Variants in COP1 observed in about 807,000 individuals in gnomAD.
The protein encoded by COP1 is E3 ubiquitin-protein ligase COP1.
In COP1, 24 loss-of-function variants were observed where a neutral mutation model predicts 101.3. That is an observed-to-expected ratio of 0.24 (90% CI 0.17 to 0.33). The LOEUF (loss-of-function observed/expected upper bound fraction) is 0.33. COP1 is among the 10% of genes least tolerant of loss of function. The pLI, the probability that COP1 is intolerant of heterozygous loss-of-function variation, is 1.00. For missense variants in COP1, 663 were observed against 906.2 expected (o/e 0.73, Z 3.45); for synonymous variants, 347 against 341.9 (o/e 1.01, Z -0.17).
chr1:176,186,951 T>C lies in COP1; in HGVS notation c.408-2259A>G, dbSNP rs12045003. On this transcript the variant is annotated intron_variant, in intron 1 of 19. Transcript: ENST00000367669. ...CAGGTTTACCTCGCACACAGCTCCA[T>C]CATCCGTTAGTTTATTTAAAAAGAA... is the stretch of plus-strand genomic sequence containing the variant. 1.1e-3 allele frequency among the ~76,000 whole-genome samples: 175 copies of C among 152,290 alleles called. No individual in the cohort carries two copies. In the East Asian group the frequency reaches 0.025, roughly 22 times the overall value.
intron 11 of COP1, among the ~76,000 whole-genome samples, chr1:176,051,793 A>G (rs896069357): frequency 6.6e-6 from 1 of 152,152 alleles, no homozygotes; most frequent in African/African-American, 2.4e-5. Flanking sequence ...TCAGATTTTA[A>G]CAAACAAATA....
chr1:176,113,989 A>G (rs1414578423), intron 9 of COP1, among the ~76,000 whole-genome samples: 5 of 148,142 alleles, frequency 3.4e-5, no homozygotes, highest in East Asian at 3.9e-4. Context: ...TTGTTTTTTA[A>G]ACGTGGCTAG....
At chr1:176,132,471 G>A (rs900767587) in intron 8 of COP1, among the ~76,000 whole-genome samples, 7 of 151,260 alleles carry the variant, frequency 4.6e-5, no homozygotes, top group Non-Finnish European at 8.9e-5. Flanking sequence ...TGTGATCATA[G>A]AGTATACTTA....
At chr1:176,002,267 T>G (rs948196061) in intron 15 of COP1, among the ~76,000 whole-genome samples, 2 of 152,134 alleles carry the variant, frequency 1.3e-5, no homozygotes, top group Admixed American at 1.3e-4. Flanking sequence ...TTTTCTTTTA[T>G]TCTTTTTTCT....
At chr1:176,093,162 G>A (rs993451011) in intron 9 of COP1, among the ~76,000 whole-genome samples, 3 of 152,226 alleles carry the variant, frequency 2.0e-5, no homozygotes, top group Admixed American at 6.5e-5. Context: ...TCAACATATT[G>A]ATAAACATAA....
At chr1:176,182,669 A>G (rs1212844101) in intron 2 of COP1, among the ~76,000 whole-genome samples, 1 of 152,244 alleles carries the variant, frequency 6.6e-6, no homozygotes, top group Non-Finnish European at 1.5e-5. Context: ...ATGGTTTCCT[A>G]TGGAATGCTA....
At chr1:175,964,651 A>G (rs1001780337) in intron 18 of COP1, among the ~76,000 whole-genome samples, 4 of 152,206 alleles carry the variant, frequency 2.6e-5, no homozygotes, top group African/African-American at 9.6e-5. Flanking sequence ...CTAAGTTTAA[A>G]TTGTATGTCC....
chr1:175,965,466 C>T lies in COP1; in HGVS notation c.2134-18227G>A, dbSNP rs146302307. 2.7e-3 allele frequency among the ~76,000 whole-genome samples: 410 copies of T among 152,238 alleles called. 3 individuals are homozygous for T. The highest frequency in any genetic ancestry group is 9.4e-3 in the African/African-American group (390 of 41,542). ...TTGGGCCACTGTTGATTTCCTGACACGCAGAATCATTCTTTTATTTAAAGC... is the reference window on the plus strand; with the variant it reads ...TTGGGCCACTGTTGATTTCCTGACATGCAGAATCATTCTTTTATTTAAAGC... On this transcript the variant is annotated intron_variant, in intron 18 of 19. Transcript: ENST00000367669.
At chr1:176,167,350 G>T (rs11587785) in intron 3 of COP1, among the ~76,000 whole-genome samples, 4,972 of 152,280 alleles carry the variant, frequency 0.033, 117 homozygotes, top group Non-Finnish European at 0.047. Context: ...TTAATGATCA[G>T]TGTCTGTCTT....
At chr1:175,970,970 T>C (rs990414505) in intron 18 of COP1, among the ~76,000 whole-genome samples, 1 of 152,104 alleles carries the variant, frequency 6.6e-6, no homozygotes, top group Non-Finnish European at 1.5e-5. Context: ...GACATAAAGC[T>C]GTTAGAAGTA....
intron 1 of COP1, among the ~76,000 whole-genome samples, chr1:176,187,483 G>A (rs1380424338): frequency 6.6e-6 from 1 of 151,916 alleles, no homozygotes; most frequent in Non-Finnish European, 1.5e-5. Context: ...TCCTGGGCTG[G>A]AGCGATTCTC....
chr1:176,024,754 G>T (rs574978804), intron 15 of COP1, among the ~76,000 whole-genome samples: 1 of 152,074 alleles, frequency 6.6e-6, no homozygotes, highest in East Asian at 1.9e-4. Context: ...ATACAAGAGA[G>T]ATATATAAAA....
At chr1:176,091,953 AAG>A (rs747297398) in intron 9 of COP1, among the ~76,000 whole-genome samples, 4 of 152,150 alleles carry the variant, frequency 2.6e-5, no homozygotes, top group Non-Finnish European at 5.9e-5. Flanking sequence ...TACTAACTAA[AAG>A]AGAAAAAATA....
chr1:176,143,260 T>G (rs192524850), intron 6 of COP1, among the ~76,000 whole-genome samples: 1 of 151,790 alleles, frequency 6.6e-6, no homozygotes, highest in Non-Finnish European at 1.5e-5. Context: ...AATTTGAAAA[T>G]TGAGATGACA....
chr1:175,947,117 C>T (rs185400041), intron 19 of COP1, 78 bp downstream of exon 19: 56 of 978,424 alleles, frequency 5.7e-5, no homozygotes, highest in Middle Eastern at 4.2e-4. Context: ...AGGCTCAGTA[C>T]AATGGTGTAT....
intron 15 of COP1, among the ~76,000 whole-genome samples, chr1:175,995,997 A>G (rs1184442156): frequency 6.6e-6 from 1 of 152,220 alleles, no homozygotes; most frequent in East Asian, 1.9e-4. Context: ...AAAAATCCTC[A>G]ATAAAATACT....
At chr1:175,976,948 T>C (rs1360325770) in intron 18 of COP1, among the ~76,000 whole-genome samples, 1 of 152,200 alleles carries the variant, frequency 6.6e-6, no homozygotes, top group African/African-American at 2.4e-5. Flanking sequence ...ATTTGGAATG[T>C]TGTGAGAAAT....
chr1:176,048,801 G>T (rs912207499), intron 11 of COP1, among the ~76,000 whole-genome samples: 2 of 152,108 alleles, frequency 1.3e-5, no homozygotes, highest in East Asian at 3.9e-4. Context: ...TATATAATAC[G>T]TTTAAACACT....
chr1:176,124,418 C>T (rs535604506), intron 8 of COP1, among the ~76,000 whole-genome samples: 1 of 148,458 alleles, frequency 6.7e-6, no homozygotes, highest in East Asian at 2.0e-4. Context: ...TGCCCCCCAG[C>T]CCCGTACTAC....
Sources: allele counts gnomAD v4.1 joint callset (sites outside exome capture counted in the v4.1 genomes callset), GRCh38; gene constraint gnomAD v4.1.1; transcripts MANE v1.5; gene names NCBI Gene and HGNC (gene_info 2026-07-23, HGNC 2026-07-21).